BMPR1B: variants seen among roughly 807,000 people sequenced by gnomAD.
BMPR1B encodes bone morphogenetic protein receptor type-1B.
BMPR1B carries 12 observed loss-of-function variants against 59.1 expected under a neutral mutation model. That is an observed-to-expected ratio of 0.20 (90% CI 0.13 to 0.33). The LOEUF is 0.33. BMPR1B is among the 10% of genes least tolerant of loss of function. The pLI, the probability that BMPR1B is intolerant of heterozygous loss-of-function variation, is 1.00. For synonymous variants in BMPR1B, 237 were observed against 207.3 expected (o/e 1.14, Z -1.23); for missense variants, 550 against 610.9 (o/e 0.90, Z 1.05).
chr4:95,030,074 C>G (rs1480140278), intron 3 of BMPR1B, among the ~76,000 whole-genome samples: 20 of 151,400 alleles, frequency 1.3e-4, no homozygotes, highest in African/African-American at 3.4e-4. Flanking sequence ...GTTGCCTGTT[C>G]ACTCTGATGG....
intron 3 of BMPR1B, among the ~76,000 whole-genome samples, chr4:95,039,358 G>C (rs1189188036): frequency 6.6e-6 from 1 of 151,280 alleles, no homozygotes; most frequent in Admixed American, 6.6e-5. Context: ...AAAGTCTGGT[G>C]TCTCTGTGCT....
chr4:94,787,038 C>T (rs934840190), intron 1 of BMPR1B, among the ~76,000 whole-genome samples: 11 of 152,022 alleles, frequency 7.2e-5, no homozygotes, highest in South Asian at 4.1e-4. Flanking sequence ...TTTACCAGGG[C>T]GACAAGGAAT....
At chr4:95,067,346 T>C (rs1336320071) in intron 3 of BMPR1B, among the ~76,000 whole-genome samples, 1 of 152,198 alleles carries the variant, frequency 6.6e-6, no homozygotes, top group Non-Finnish European at 1.5e-5. Flanking sequence ...TCATTTTTCC[T>C]CTTAATCTTG....
intron 3 of BMPR1B, among the ~76,000 whole-genome samples, chr4:95,014,186 T>G (rs565689750): frequency 6.6e-5 from 10 of 152,220 alleles, no homozygotes; most frequent in Non-Finnish European, 1.5e-4. Flanking sequence ...GTAGTAAACA[T>G]ATTTGCTGTC....
chr4:95,075,671 G>A (rs1030645832), intron 3 of BMPR1B, among the ~76,000 whole-genome samples: 1 of 151,834 alleles, frequency 6.6e-6, no homozygotes. Context: ...CCTGCCTTTT[G>A]GTTTATATTA....
intron 3 of BMPR1B, among the ~76,000 whole-genome samples, chr4:95,087,307 A>T (rs991138777): frequency 4.6e-5 from 7 of 152,192 alleles, no homozygotes; most frequent in African/African-American, 1.2e-4. Flanking sequence ...GTTCCATGAT[A>T]AATTATATTT....
chr4:95,096,974 G>A (rs1730456363), intron 3 of BMPR1B, among the ~76,000 whole-genome samples: 1 of 140,152 alleles, frequency 7.1e-6, no homozygotes, highest in African/African-American at 2.6e-5. Flanking sequence ...ATTATATATA[G>A]TTATATAGTT....
intron 2 of BMPR1B, among the ~76,000 whole-genome samples, chr4:94,945,307 C>T (rs1288836942): frequency 6.6e-6 from 1 of 152,044 alleles, no homozygotes; most frequent in African/African-American, 2.4e-5. Context: ...AACTATTGGT[C>T]CTTGAAGGTA....
intron 10 of BMPR1B, among the ~76,000 whole-genome samples, chr4:95,142,546 C>T (rs2149318036): frequency 6.6e-6 from 1 of 152,084 alleles, no homozygotes; most frequent in South Asian, 2.1e-4. Context: ...TTTCTTTCTC[C>T]TGTCTATTAC....
intron 1 of BMPR1B, among the ~76,000 whole-genome samples, chr4:94,793,266 T>C (rs1723053434): frequency 6.7e-6 from 1 of 149,590 alleles, no homozygotes; most frequent in Admixed American, 6.7e-5. Context: ...GAATATGCGG[T>C]GTTTGTTTTT....
In BMPR1B at chr4:94,810,237, C is replaced by T. The variant is rs28503836; in HGVS notation, c.-183+52169C>T. On this transcript the variant is annotated intron_variant, in intron 1 of 12. Transcript: ENST00000515059. The stretch of plus-strand genomic sequence containing the variant: ...TATTTTTACTGTTTTTTGTTAGAGA[C>T]GTGCTACAATTGGTTTAACATTTAT... 7.5e-3 allele frequency among the ~76,000 whole-genome samples: 1,140 copies of T among 152,256 alleles called. 17 individuals are homozygous for T. Among genetic ancestry groups the T allele is most frequent in the African/African-American group, 0.026 (1,090 of 41,552 alleles).
intron 4 of BMPR1B, among the ~76,000 whole-genome samples, chr4:95,112,230 T>C (rs547892684): frequency 6.6e-6 from 1 of 152,218 alleles, no homozygotes; most frequent in Non-Finnish European, 1.5e-5. Context: ...TCCTTCATGA[T>C]TCTTCATCTC....
intron 1 of BMPR1B, among the ~76,000 whole-genome samples, chr4:94,871,106 A>G (rs1171781254): frequency 6.6e-6 from 1 of 152,172 alleles, no homozygotes; most frequent in Non-Finnish European, 1.5e-5. Context: ...ACAGATGAGA[A>G]AACCAGGGGT....
At chr4:94,768,085 A>G (rs1228470945) in intron 1 of BMPR1B, among the ~76,000 whole-genome samples, 1 of 152,050 alleles carries the variant, frequency 6.6e-6, no homozygotes, top group African/African-American at 2.4e-5. Flanking sequence ...AAAACTTCTT[A>G]TAAATACATT....
At chr4:94,966,955 G>C (rs886913741) in intron 2 of BMPR1B, among the ~76,000 whole-genome samples, 11 of 152,074 alleles carry the variant, frequency 7.2e-5, no homozygotes, top group African/African-American at 2.6e-4. Context: ...AGAGAGAGAC[G>C]GTCCTTGGGG....
intron 2 of BMPR1B, among the ~76,000 whole-genome samples, chr4:94,943,470 T>C (rs2149046231): frequency 6.6e-6 from 1 of 152,336 alleles, no homozygotes; most frequent in African/African-American, 2.4e-5. Context: ...AGCATATCTG[T>C]TCCTCTGTGT....
chr4:94,780,670 A>G (rs1722552336), intron 1 of BMPR1B, among the ~76,000 whole-genome samples: 1 of 146,778 alleles, frequency 6.8e-6, no homozygotes, highest in African/African-American at 2.5e-5. Flanking sequence ...CCTCATCAAC[A>G]TGTATTATTG....
At chr4:95,141,519 T>C (rs1346320972) in intron 10 of BMPR1B, among the ~76,000 whole-genome samples, 2 of 152,234 alleles carry the variant, frequency 1.3e-5, no homozygotes, top group African/African-American at 2.4e-5. Context: ...TTTAAAACGC[T>C]GTATTGGTTT....
At chr4:94,896,566 A>T (rs140967873) in intron 2 of BMPR1B, among the ~76,000 whole-genome samples, 35 of 152,190 alleles carry the variant, frequency 2.3e-4, no homozygotes, top group African/African-American at 7.7e-4. Context: ...TCCCTAGAGC[A>T]TATGTATAAA....
Sources: allele counts gnomAD v4.1 joint callset (sites outside exome capture counted in the v4.1 genomes callset), GRCh38; gene constraint gnomAD v4.1.1; transcripts MANE v1.5; gene names NCBI Gene and HGNC (gene_info 2026-07-23, HGNC 2026-07-21).